Variants in TMC1 observed in about 807,000 individuals in gnomAD.
The protein encoded by TMC1 is transmembrane channel-like protein 1.
A neutral mutation model predicts 105.8 loss-of-function variants in TMC1; 84 were observed. The ratio of observed to expected loss-of-function variants is 0.79; its 90% CI spans 0.67 to 0.95. The LOEUF is 0.95. Ranked by LOEUF, TMC1 falls within the 40% of genes least tolerant of loss-of-function variation. TMC1 has a pLI of 0.00. For missense variants in TMC1, 817 were observed against 914.1 expected (o/e 0.89, Z 1.37); for synonymous variants, 315 against 311.5 (o/e 1.01, Z -0.12).
intron 2 of TMC1, among the ~76,000 whole-genome samples, chr9:72,614,880 A>G (rs1048922817): frequency 1.3e-5 from 2 of 152,086 alleles, no homozygotes; most frequent in African/African-American, 4.8e-5. Context: ...GGGTTTCATC[A>G]TGTTGCTCAG....
chr9:72,755,040 G>C (rs1827651519), intron 12 of TMC1, among the ~76,000 whole-genome samples, 156 bp downstream of exon 12: 1 of 128,674 alleles, frequency 7.8e-6, no homozygotes, highest in Non-Finnish European at 1.6e-5. Context: ...AAGAAAGAAA[G>C]AGAGAGAGAG....
intron 15 of TMC1, among the ~76,000 whole-genome samples, chr9:72,791,124 G>T (rs1828259928): frequency 6.6e-6 from 1 of 151,900 alleles, no homozygotes; most frequent in Non-Finnish European, 1.5e-5. Context: ...ATCATCATAA[G>T]GTTGCCAAAC....
At chr9:72,575,237 AAT>A (rs1351935502) in intron 1 of TMC1, among the ~76,000 whole-genome samples, 3 of 152,220 alleles carry the variant, frequency 2.0e-5, no homozygotes, top group Non-Finnish European at 2.9e-5. Flanking sequence ...GCTGGAGTGC[AAT>A]GCGTGATCTC....
At chr9:72,619,935 A>G (rs1825215362) in intron 3 of TMC1, among the ~76,000 whole-genome samples, 2 of 151,964 alleles carry the variant, frequency 1.3e-5, no homozygotes, top group Admixed American at 6.6e-5. Flanking sequence ...CCTGGGTTCA[A>G]GTGATTCTCC....
chr9:72,536,157 C>G (rs1823581225), intron 1 of TMC1, among the ~76,000 whole-genome samples: 1 of 152,178 alleles, frequency 6.6e-6, no homozygotes, highest in South Asian at 2.1e-4. Flanking sequence ...AAAGTATCAC[C>G]TGCGACTCAA....
At chr9:72,786,919 G>A (rs1033898083) in intron 13 of TMC1, among the ~76,000 whole-genome samples, 1 of 151,448 alleles carries the variant, frequency 6.6e-6, no homozygotes, top group African/African-American at 2.4e-5. Flanking sequence ...CTTGGTCAAT[G>A]ACAGTGCAAA....
intron 6 of TMC1, among the ~76,000 whole-genome samples, chr9:72,692,981 A>G (rs530182639): frequency 2.2e-4 from 33 of 152,174 alleles, no homozygotes; most frequent in Admixed American, 1.9e-3. Context: ...TTAGCTGGGT[A>G]TGATGGCGCA....
chr9:72,830,985 C>T (rs930143167), intron 23 of TMC1, among the ~76,000 whole-genome samples: 3 of 151,992 alleles, frequency 2.0e-5, no homozygotes, highest in East Asian at 3.9e-4. Context: ...CCCATATAGT[C>T]GTCTACAAAC....
At chr9:72,567,159 CT>C (rs1476808117) in intron 1 of TMC1, among the ~76,000 whole-genome samples, 1 of 152,216 alleles carries the variant, frequency 6.6e-6, no homozygotes, top group Non-Finnish European at 1.5e-5. Context: ...GTCATTTCCC[CT>C]GGGAACATTT....
intron 2 of TMC1, among the ~76,000 whole-genome samples, chr9:72,603,848 GTTTTTTTTT>G (rs534608884): frequency 2.8e-4 from 21 of 73,998 alleles, no homozygotes; most frequent in African/African-American, 1.0e-3. Flanking sequence ...GCGACCGGCT[GTTTTTTTTT>G]TTTTTTTTTT....
At chr9:72,742,546 A>C in intron 10 of TMC1, 21 bp downstream of exon 10, 37 of 1,580,678 alleles carry the variant, frequency 2.3e-5, no homozygotes, top group Non-Finnish European at 3.0e-5. Flanking sequence ...ATCAGATCTC[A>C]GGTGGAGAAG....
intron 5 of TMC1, among the ~76,000 whole-genome samples, chr9:72,675,781 C>G (rs1048607502): frequency 6.6e-5 from 10 of 152,144 alleles, no homozygotes; most frequent in African/African-American, 2.4e-4. Flanking sequence ...TGACCCCACC[C>G]CATGCCTTTT....
chr9:72,775,403 C>T (rs1429384654), intron 13 of TMC1, among the ~76,000 whole-genome samples: 1 of 152,076 alleles, frequency 6.6e-6, no homozygotes, highest in Admixed American at 6.5e-5. Flanking sequence ...AAACCATCAG[C>T]TCATTTAAAT....
chr9:72,713,699 CA>C (rs1366605624), intron 8 of TMC1, among the ~76,000 whole-genome samples: 2 of 150,316 alleles, frequency 1.3e-5, no homozygotes, highest in African/African-American at 4.9e-5. Context: ...GTTGATCTTT[CA>C]AAAAAGCCAG....
intron 3 of TMC1, among the ~76,000 whole-genome samples, chr9:72,622,120 G>A (rs1319869718): frequency 6.6e-6 from 1 of 152,120 alleles, no homozygotes; most frequent in Non-Finnish European, 1.5e-5. Context: ...ACCCTGCAAT[G>A]GAATAGAGGC....
intron 12 of TMC1, among the ~76,000 whole-genome samples, chr9:72,758,648 C>G (rs62560384): frequency 6.6e-6 from 1 of 152,080 alleles, no homozygotes; most frequent in Non-Finnish European, 1.5e-5. Context: ...ATAGAATGGG[C>G]AGAGATGTCC....
At chr9:72,713,900 C>T (rs1488012384) in intron 8 of TMC1, among the ~76,000 whole-genome samples, 1 of 151,964 alleles carries the variant, frequency 6.6e-6, no homozygotes, top group Non-Finnish European at 1.5e-5. Context: ...CTCTTGTGGG[C>T]TTTTAGTGCT....
rs548280294 is a variant in TMC1, at chr9:72,581,403, T to A, written c.-306+3380T>A. On this transcript the variant is annotated intron_variant, in intron 2 of 23. Transcript: ENST00000297784. ...GTGATGATCACGTTTTTATTTTTAA[T>A]GAGTTGCTCATGGATTATATCCTAA... 3.3e-5 allele frequency among the ~76,000 whole-genome samples: 5 copies of A among 152,348 alleles called. No individual in the cohort carries two copies. In the East Asian group the frequency reaches 9.6e-4, roughly 29 times the overall value.
At chr9:72,635,643 G>C (rs1445544364) in intron 4 of TMC1, among the ~76,000 whole-genome samples, 1 of 152,090 alleles carries the variant, frequency 6.6e-6, no homozygotes, top group African/African-American at 2.4e-5. Flanking sequence ...AATTTGATTT[G>C]GGAAACTTCG....
Sources: gnomAD v4.1 joint callset for allele counts (sites outside exome capture counted in the v4.1 genomes callset) on GRCh38, gnomAD v4.1.1 for gene constraint, MANE v1.5 for transcripts, NCBI Gene and HGNC (gene_info 2026-07-23, HGNC 2026-07-21) for gene names.